PAH: variants seen among roughly 807,000 people sequenced by gnomAD.
PAH encodes the protein phenylalanine hydroxylase.
In PAH, 64 loss-of-function variants were observed where a neutral mutation model predicts 62.0. The ratio of observed to expected loss-of-function variants is 1.03; its 90% CI spans 0.84 to 1.27. PAH has a LOEUF of 1.27. PAH is among the 50% of genes most tolerant of loss of function. PAH has a pLI of 0.00. For missense variants in PAH, 579 were observed against 542.8 expected, an observed-to-expected ratio of 1.07 and a Z score of -0.66; for synonymous variants, 195 against 196.2, an observed-to-expected ratio of 0.99 and a Z score of 0.05.
intron 2 of PAH, among the ~76,000 whole-genome samples, chr12:102,901,202 C>T (rs1051458742): frequency 6.6e-6 from 1 of 152,042 alleles, no homozygotes; most frequent in Non-Finnish European, 1.5e-5. Context: ...TACTGGGCGC[C>T]CCGTCTCCTC....
rs76887545 is a variant in PAH, at chr12:102,855,080, C to T, written c.706+56G>A. On this transcript the variant is annotated intron_variant, in intron 6 of 12. Transcript: ENST00000553106. ...TACTTGTCTTCCCCTTCCCTCTCCTCTGCCTCAATCCTCCCCCAACTTTCT... is the reference window on the plus strand; with the variant it reads ...TACTTGTCTTCCCCTTCCCTCTCCTTTGCCTCAATCCTCCCCCAACTTTCT... 5.4e-3 allele frequency: 7,701 copies of T among 1,415,500 alleles called. 314 individuals are homozygous for T. The African/African-American group carries it at 0.09, about 16-fold the overall frequency. 87.7% of individuals were successfully genotyped at this position (1,415,500 alleles called of 1,614,324 possible).
At chr12:102,906,900 T>G (rs1877999995) in intron 2 of PAH, among the ~76,000 whole-genome samples, 1 of 152,220 alleles carries the variant, frequency 6.6e-6, no homozygotes, top group South Asian at 2.1e-4. Context: ...ATGACACTTG[T>G]CAATATCAAC....
rs747130539 is a variant in PAH, at chr12:102,912,783, GCA to G, written c.168+6_168+7del. ...ATTATCCAAGACAAACATGATTGTAGCACTGACCTCAAATAAGCGCAATACTT... is the reference window on the plus strand; with the variant it reads ...ATTATCCAAGACAAACATGATTGTAGCTGACCTCAAATAAGCGCAATACTT... On this transcript the variant is annotated splice_donor_region_variant and intron_variant, in intron 2 of 12. Coordinates refer to ENST00000553106, the MANE Select transcript of PAH (RefSeq NM_000277.3). 6.4e-7 allele frequency: 1 copy of G among 1,571,778 alleles called. No individual in the cohort carries two copies.
At chr12:102,895,869 A>AAAAAAAAAAAATATATATATAT (rs953209518) in intron 2 of PAH, among the ~76,000 whole-genome samples, 1 of 118,742 alleles carries the variant, frequency 8.4e-6, no homozygotes, top group African/African-American at 3.6e-5. Context: ...AAAAAAAAAA[A>AAAAAAAAAAAATATATATATAT]ATATATATAT....
intron 1 of PAH, chr12:102,915,197 T>G (rs1490906170): frequency 6.6e-6 from 1 of 152,230 alleles, no homozygotes; most frequent in Non-Finnish European, 1.5e-5. Context: ...TCAATTCTCT[T>G]AGGAAATGTT....
In PAH at chr12:102,855,337, A is replaced by T. The variant is rs1875378128; in HGVS notation, c.510-5T>A. ...ACTCGAGGGATGGGCTGCCCACTAG[A>T]ATACAGGCACAAAATAGGTGTCTCA... On this transcript the variant is annotated splice_region_variant and splice_polypyrimidine_tract_variant and intron_variant, in intron 5 of 12. Transcript: ENST00000553106. 2 of 1,613,816 alleles carry T rather than the reference A, an allele frequency of 1.2e-6. No homozygotes were observed. Among genetic ancestry groups the T allele is most frequent in the Non-Finnish European group, 1.7e-6 (2 of 1,179,830 alleles).
upstream of PAH, among the ~76,000 whole-genome samples, chr12:102,922,083 A>G (rs931529566): frequency 7.2e-5 from 11 of 152,044 alleles, no homozygotes; most frequent in African/African-American, 2.7e-4. Flanking sequence ...CAATGTTGTC[A>G]GTTTCTTCTA....
chr12:102,887,845 G>C (rs1877106501), intron 3 of PAH, among the ~76,000 whole-genome samples: 1 of 152,146 alleles, frequency 6.6e-6, no homozygotes, highest in African/African-American at 2.4e-5. Flanking sequence ...ATGGCCCTTA[G>C]TGCATCACGA....
rs753312947 is a variant in PAH at position 102,917,112 on chromosome 12, C to G, written c.19G>C (p.Glu7Gln). The stretch of plus-strand genomic sequence containing the variant: ...AGTTTCCTGCCCAAGCCTGGGTTTT[C>G]CAGGACCGCAGTGGACATGCTGGCT... MSTAVL[E>Q]NPGLGRKLSD... Residue 7 changes from glutamate (E) to glutamine (Q), a missense_variant, in exon 1 of 13, where the codon GAA (glutamate) becomes CAA (glutamine). Transcript: ENST00000553106. 6.2e-7 allele frequency: 1 copy of G among 1,614,190 alleles called. No individual in the cohort carries two copies. Among genetic ancestry groups the G allele is most frequent in the Non-Finnish European group, 8.5e-7 (1 of 1,180,044 alleles).
intron 1 of PAH, among the ~76,000 whole-genome samples, chr12:102,923,851 T>A (rs1592993830): frequency 6.6e-6 from 1 of 152,178 alleles, no homozygotes; most frequent in East Asian, 1.9e-4. Context: ...AATTGTCTTT[T>A]GGGGTTATCT....
upstream of PAH, among the ~76,000 whole-genome samples, chr12:102,917,761 C>T (rs1878446410): frequency 6.6e-6 from 1 of 152,174 alleles, no homozygotes; most frequent in African/African-American, 2.4e-5. Flanking sequence ...TAAGAGCGAT[C>T]TGGGTTTAAA....
chr12:102,915,473 T>G (rs917582390), intron 1 of PAH, among the ~76,000 whole-genome samples: 3 of 152,334 alleles, frequency 2.0e-5, no homozygotes, highest in Non-Finnish European at 4.4e-5. Flanking sequence ...CCCTTTGCTA[T>G]GGACATAATA....
At chr12:102,851,586 C>T (rs905355122) in intron 8 of PAH, 101 bp downstream of exon 8, 21 of 928,090 alleles carry the variant, frequency 2.3e-5, no homozygotes, top group Non-Finnish European at 2.8e-5. Context: ...ACCTGGTTTC[C>T]GCTCTTGCAG....
At chr12:102,933,481 G>A (rs1235620807) in intron 1 of PAH, among the ~76,000 whole-genome samples, 2 of 151,980 alleles carry the variant, frequency 1.3e-5, no homozygotes, top group Non-Finnish European at 2.9e-5. Context: ...TTTATTTGGG[G>A]TATATACCCA....
chr12:102,839,136 A>G lies in PAH; in HGVS notation c.*39T>C, dbSNP rs772101462. 3 of 1,592,040 alleles carry G rather than the reference A, an allele frequency of 1.9e-6. No homozygotes were observed. The highest frequency in any genetic ancestry group is 2.2e-5 in the South Asian group (2 of 90,658). Reference sequence around the variant, plus strand: ...GAAAGAAATAGTTGGATCTCCATCAACAGATTCACAGCTGACAGACCACAT... The same window carrying G: ...GAAAGAAATAGTTGGATCTCCATCAGCAGATTCACAGCTGACAGACCACAT... On this transcript the variant is annotated 3_prime_UTR_variant, in exon 13 of 13. Coordinates refer to ENST00000553106, the MANE Select transcript of PAH (RefSeq NM_000277.3).
chr12:102,928,675 C>A (rs1487805525), intron 1 of PAH, among the ~76,000 whole-genome samples: 1 of 152,150 alleles, frequency 6.6e-6, no homozygotes, highest in African/African-American at 2.4e-5. Context: ...CACAGTCCAT[C>A]AGGCCATGGG....
exon 1 of PAH, chr12:102,958,202 C>T (rs1211622221): frequency 7.0e-7 from 1 of 1,420,306 alleles, no homozygotes; most frequent in Non-Finnish European, 9.2e-7. Context: ...CACCTCGCGT[C>T]CCGGATCGCT....
chr12:102,947,639 G>A (rs1359799954), intron 1 of PAH, among the ~76,000 whole-genome samples: 1 of 152,242 alleles, frequency 6.6e-6, no homozygotes, highest in East Asian at 1.9e-4. Context: ...ATCTCAAGAA[G>A]AGATGAGTGA....
chr12:102,905,072 G>T (rs1031830978), intron 2 of PAH, among the ~76,000 whole-genome samples: 1 of 152,132 alleles, frequency 6.6e-6, no homozygotes, highest in Non-Finnish European at 1.5e-5. Flanking sequence ...CACGTGAAAG[G>T]GGTAAAGGAA....
Sources: allele counts gnomAD v4.1 joint callset (sites outside exome capture counted in the v4.1 genomes callset), GRCh38; gene constraint gnomAD v4.1.1; transcripts MANE v1.5; gene names NCBI Gene and HGNC (gene_info 2026-07-23, HGNC 2026-07-21).